The following RNF144B variants were observed in gnomAD, a reference collection of about 807,000 sequenced individuals.
RNF144B encodes ring finger protein 144B, also known as E3 ubiquitin-protein ligase RNF144B.
RNF144B carries 25 observed loss-of-function variants against 40.2 expected under a neutral mutation model. That is an observed-to-expected ratio of 0.62 (90% CI 0.45 to 0.87). The LOEUF (loss-of-function observed/expected upper bound fraction) is 0.87, where lower values mean the gene tolerates loss of function less well. Ranked by LOEUF, RNF144B falls within the 40% of genes least tolerant of loss-of-function variation. The pLI, the probability that RNF144B is intolerant of heterozygous loss-of-function variation, is 0.00. For synonymous variants in RNF144B, 145 were observed against 136.3 expected, an observed-to-expected ratio of 1.06 and a Z score of -0.44; for missense variants, 365 against 373.7, an observed-to-expected ratio of 0.98 and a Z score of 0.19.
chr6:18,433,881 T>A (rs1355494763), intron 3 of RNF144B, among the ~76,000 whole-genome samples: 1 of 152,160 alleles, frequency 6.6e-6, no homozygotes, highest in East Asian at 1.9e-4. Flanking sequence ...GTGAAAACAT[T>A]TTTAGTTCCT....
chr6:18,412,285 GT>G lies in RNF144B; in HGVS notation c.165+12587del, dbSNP rs1795063383. Among the ~76,000 whole-genome samples, 1 of 152,068 alleles carries G rather than the reference GT, an allele frequency of 6.6e-6. No homozygotes were observed. The highest frequency in any genetic ancestry group is 1.5e-5 in the Non-Finnish European group (1 of 68,036). On this transcript the variant is annotated intron_variant, in intron 2 of 7. Transcript: ENST00000259939. The surrounding 1 kb of genome is among the most constrained non-coding windows in gnomAD (Gnocchi z 4.2). Reference sequence around the variant, plus strand: ...CCAACTTTTCACCTTCTGTAATCTGGTATGTGAAAAGAACATATCTCATGGT... The same window carrying G: ...CCAACTTTTCACCTTCTGTAATCTGGATGTGAAAAGAACATATCTCATGGT...
intron 1 of RNF144B, among the ~76,000 whole-genome samples, chr6:18,388,819 T>C (rs376087491): frequency 1.3e-5 from 2 of 150,434 alleles, no homozygotes; most frequent in Non-Finnish European, 3.0e-5. Context: ...TTTTTTTTTA[T>C]TTTTGTCGTG....
In RNF144B at chr6:18,439,697, T is replaced by C. The variant is rs1758913516; in HGVS notation, c.284T>C (p.Val95Ala). ...TLQEAEIACL[V>A]PVDQFQLYQR... ...CTCTGGTTTCAGATTGCCTGTTTGGTACCTGTGGACCAGTTTCAACTTTAT... is the reference window on the plus strand; with the variant it reads ...CTCTGGTTTCAGATTGCCTGTTTGGCACCTGTGGACCAGTTTCAACTTTAT... The change falls in exon 4 of 8, where the codon GTA (valine) becomes GCA (alanine). Residue 95 changes from valine (V) to alanine (A), a missense_variant. By Grantham distance (64) the Val-to-Ala change is moderately conservative (BLOSUM62 0). Transcript: ENST00000259939. 2.5e-6 allele frequency: 4 copies of C among 1,612,702 alleles called. No homozygotes were observed. The East Asian group carries it at 8.9e-5, about 36-fold the overall frequency.
chr6:18,416,685 T>A lies in RNF144B; in HGVS notation c.166-10896T>A, dbSNP rs1795154525. Among the ~76,000 whole-genome samples the A allele has an allele frequency of 6.6e-6, 1 of 152,164 alleles. No individual in the cohort carries two copies. Among genetic ancestry groups the A allele is most frequent in the East Asian group, 1.9e-4 (1 of 5,196 alleles). On this transcript the variant is annotated intron_variant, in intron 2 of 7. Coordinates refer to ENST00000259939, the MANE Select transcript of RNF144B (RefSeq NM_182757.4). This position sits in a 1 kb window ranked among gnomAD's most constrained non-coding sequence, Gnocchi z 5.5. Reference sequence around the variant, plus strand: ...AAGGCTCTCAATCAGAGTTTTAAATTTTGCATATATAATTTCCCCCTTAAG... The same window carrying A: ...AAGGCTCTCAATCAGAGTTTTAAATATTGCATATATAATTTCCCCCTTAAG...
chr6:18,409,542 C>A (rs189513293), intron 2 of RNF144B, among the ~76,000 whole-genome samples: 3 of 142,362 alleles, frequency 2.1e-5, no homozygotes, highest in Non-Finnish European at 4.6e-5. Context: ...TCTTTTGGGA[C>A]AAACTTCACT....
intron 3 of RNF144B, among the ~76,000 whole-genome samples, chr6:18,432,989 C>T (rs1000704954): frequency 6.6e-6 from 1 of 152,106 alleles, no homozygotes; most frequent in Admixed American, 6.6e-5. Flanking sequence ...GAGGAGGGAT[C>T]GAGTACTGGG....
At chr6:18,451,432 A>G in intron 4 of RNF144B, among the ~76,000 whole-genome samples, 1 of 152,216 alleles carries the variant, frequency 6.6e-6, no homozygotes, top group Middle Eastern at 3.2e-3. Context: ...TGAGTTCCGT[A>G]AATAAGTATG....
chr6:18,393,273 C>T (rs1273401157), intron 1 of RNF144B, among the ~76,000 whole-genome samples: 4 of 152,144 alleles, frequency 2.6e-5, no homozygotes, highest in African/African-American at 7.2e-5. Context: ...AAAGAATGTA[C>T]GCTGGTTCAT....
At chr6:18,389,506 A>G (rs908600644) in intron 1 of RNF144B, among the ~76,000 whole-genome samples, 7 of 152,244 alleles carry the variant, frequency 4.6e-5, no homozygotes, top group Admixed American at 2.0e-4. Context: ...AGACGTTTAG[A>G]AACATTTATA....
At chr6:18,397,569 C>A (rs13197600) in intron 1 of RNF144B, among the ~76,000 whole-genome samples, 31,339 of 152,110 alleles carry the variant, frequency 0.21, 3,725 homozygotes, top group East Asian at 0.41. Context: ...TAAAAACAAT[C>A]TAGTAGAAGA....
intron 1 of RNF144B, chr6:18,396,898 AC>A: frequency 1.2e-6 from 1 of 838,888 alleles, no homozygotes; most frequent in Non-Finnish European, 1.4e-6. Flanking sequence ...CCTGAATTTG[AC>A]GTGCAGGTCT....
In RNF144B at chr6:18,406,242, G is replaced by T; in HGVS notation, c.165+6543G>T. 1 of 492,190 alleles carries T rather than the reference G, an allele frequency of 2.0e-6. No homozygotes were observed. Among genetic ancestry groups the T allele is most frequent in the Non-Finnish European group, 4.1e-6 (1 of 246,756 alleles). The allele number at this position is 492,190 out of a possible 1,614,324, so 30.5% of individuals were successfully genotyped here. A position where few individuals can be genotyped will look rare whatever the true frequency, so the allele number is the denominator to read the frequency against. ...AAATAGGGTGAGGGGGGTCAGGAGTGCTGTGGGGAAGAGGGACTTCTACTT... is the reference window on the plus strand; with the variant it reads ...AAATAGGGTGAGGGGGGTCAGGAGTTCTGTGGGGAAGAGGGACTTCTACTT... On this transcript the variant is annotated intron_variant, in intron 2 of 7. Coordinates refer to ENST00000259939, the MANE Select transcript of RNF144B (RefSeq NM_182757.4). The surrounding 1 kb of genome is among the most constrained non-coding windows in gnomAD (Gnocchi z 4.2).
chr6:18,445,492 A>T (rs1269969607), intron 4 of RNF144B, among the ~76,000 whole-genome samples: 1 of 152,228 alleles, frequency 6.6e-6, no homozygotes, highest in African/African-American at 2.4e-5. Context: ...AATTTACATG[A>T]ACATGCAGAG....
In RNF144B at chr6:18,427,251, C is replaced by T. The variant is rs72832453; in HGVS notation, c.166-330C>T. On this transcript the variant is annotated intron_variant, in intron 2 of 7. Coordinates refer to ENST00000259939, the MANE Select transcript of RNF144B (RefSeq NM_182757.4). The stretch of plus-strand genomic sequence containing the variant: ...CACTAGGTAAAAATGGAATTAGGAA[C>T]TCATATTTTTTTTTTTAAAGGAGGG... 2.6e-3 allele frequency among the ~76,000 whole-genome samples: 314 copies of T among 120,566 alleles called. 2 individuals are homozygous for T. The highest frequency in any genetic ancestry group is 0.022 in the Middle Eastern group (5 of 232). The allele number at this position is 120,566 out of a possible 152,430, so 79.1% of individuals were successfully genotyped here. A position where few individuals can be genotyped will look rare whatever the true frequency, so the allele number is the denominator to read the frequency against.
intron 1 of RNF144B, among the ~76,000 whole-genome samples, chr6:18,397,726 G>A (rs1008744347): frequency 6.6e-6 from 1 of 151,822 alleles, no homozygotes; most frequent in Non-Finnish European, 1.5e-5. Context: ...TCCTCTTTCT[G>A]TCCCCCTTCC....
intron 1 of RNF144B, 34 bp downstream of exon 1, chr6:18,387,664 G>A (rs182595684): frequency 6.2e-6 from 8 of 1,286,996 alleles, no homozygotes; most frequent in Non-Finnish European, 8.1e-6. Context: ...GGCTACAGGC[G>A]TTGCAAGACC....
chr6:18,394,233 A>G (rs1388253593), intron 1 of RNF144B, among the ~76,000 whole-genome samples: 1 of 152,226 alleles, frequency 6.6e-6, no homozygotes, highest in Non-Finnish European at 1.5e-5. Flanking sequence ...TTCCAATTAC[A>G]CTATCTTTTT....
In RNF144B at chr6:18,392,402, T is replaced by C. The variant is rs945046605; in HGVS notation, c.-37+4772T>C. Among the ~76,000 whole-genome samples the C allele has an allele frequency of 2.0e-5, 3 of 152,360 alleles. No individual in the cohort carries two copies. In the East Asian group the frequency reaches 5.8e-4, roughly 29 times the overall value. The stretch of plus-strand genomic sequence containing the variant: ...TAATTTCAAGCAGCAAAGAGATTGT[T>C]TGGAAAACAGTTCTTGCTAATACTT... On this transcript the variant is annotated intron_variant, in intron 1 of 7. Coordinates refer to ENST00000259939, the MANE Select transcript of RNF144B (RefSeq NM_182757.4).
chr6:18,467,400 G>GTTTTTTTTTTTTTTTTTTTTTTTTT lies in RNF144B; in HGVS notation c.*2352_*2353insTTTTTTTTTTTTTTTTTTTTTTTTT, dbSNP rs66505065. 2.0e-5 allele frequency: 2 copies of GTTTTTTTTTTTTTTTTTTTTTTTTT among 102,274 alleles called. No individual in the cohort carries two copies. The highest frequency in any genetic ancestry group is 1.9e-5 in the Non-Finnish European group (1 of 53,418). 6.3% of individuals were successfully genotyped at this position (102,274 alleles called of 1,614,324 possible). A position where few individuals can be genotyped will look rare whatever the true frequency, so the allele number is the denominator to read the frequency against. On this transcript the variant is annotated 3_prime_UTR_variant, in exon 8 of 8. Coordinates refer to ENST00000259939, the MANE Select transcript of RNF144B (RefSeq NM_182757.4). ...TTGTATCACTGAATTAGCTGCTTTT[G>GTTTTTTTTTTTTTTTTTTTTTTTTT]TTTTTTTTTTTTTTTTTTTGCCAGG...
Sources: allele counts gnomAD v4.1 joint callset (sites outside exome capture counted in the v4.1 genomes callset), GRCh38; gene constraint gnomAD v4.1.1; non-coding constraint Gnocchi (gnomAD v3.1); transcripts MANE v1.5; gene names NCBI Gene and HGNC (gene_info 2026-07-23, HGNC 2026-07-21).